The following PHACTR4 variants were observed in gnomAD, a reference collection of about 807,000 sequenced individuals.
The protein encoded by PHACTR4 is protein phosphatase 1, regulatory subunit 124.
In PHACTR4, 51 loss-of-function variants were observed where a neutral mutation model predicts 72.7. The observed-to-expected ratio is 0.70, with a 90% confidence interval of 0.56 to 0.89. The LOEUF is 0.89. Ranked by LOEUF, PHACTR4 falls within the 40% of genes least tolerant of loss-of-function variation. PHACTR4 has a pLI of 0.00. For synonymous variants in PHACTR4, 255 were observed against 302.5 expected (o/e 0.84, Z 1.63); for missense variants, 731 against 861.8 (o/e 0.85, Z 1.90).
At chr1:28,370,228 G>T in intron 1 of PHACTR4, among the ~76,000 whole-genome samples, 1 of 152,210 alleles carries the variant, frequency 6.6e-6, no homozygotes, top group Non-Finnish European at 1.5e-5. Flanking sequence ...TCGGGTCAAA[G>T]TACATTTTTC....
At chr1:28,469,884 C>T (rs1324093197) in intron 6 of PHACTR4, among the ~76,000 whole-genome samples, 1 of 151,290 alleles carries the variant, frequency 6.6e-6, no homozygotes, top group Non-Finnish European at 1.5e-5. Context: ...GGTGAAACCC[C>T]ATCTCTACTA....
At chr1:28,378,021 C>T (rs1651823499) in intron 1 of PHACTR4, among the ~76,000 whole-genome samples, 1 of 149,026 alleles carries the variant, frequency 6.7e-6, no homozygotes, top group Admixed American at 6.8e-5. Context: ...CACGGTGAAA[C>T]CCCGTCTCTA....
chr1:28,378,450 C>G (rs1453023965), intron 1 of PHACTR4, among the ~76,000 whole-genome samples: 1 of 151,538 alleles, frequency 6.6e-6, no homozygotes, highest in African/African-American at 2.4e-5. Flanking sequence ...TTGCAATGAG[C>G]CAAGATCATG....
intron 1 of PHACTR4, among the ~76,000 whole-genome samples, chr1:28,394,270 AAGAG>A (rs974053824): frequency 4.0e-5 from 6 of 151,468 alleles, no homozygotes; most frequent in Admixed American, 6.6e-5. Context: ...AAAAAAAAGA[AAGAG>A]GGACGGAGGG....
intron 9 of PHACTR4, among the ~76,000 whole-genome samples, chr1:28,486,593 A>G (rs892073597): frequency 6.6e-6 from 1 of 150,474 alleles, no homozygotes; most frequent in Non-Finnish European, 1.5e-5. Context: ...CAGGCCAGGC[A>G]TGGTGGCTCA....
intron 2 of PHACTR4, among the ~76,000 whole-genome samples, chr1:28,409,987 A>G (rs1228806988): frequency 8.8e-5 from 4 of 45,520 alleles, no homozygotes; most frequent in Admixed American, 6.9e-4. Flanking sequence ...TTTTTTTTTG[A>G]GACAGAGTCT....
At chr1:28,472,869 G>A (rs1190476313) in intron 6 of PHACTR4, among the ~76,000 whole-genome samples, 3 of 136,454 alleles carry the variant, frequency 2.2e-5, no homozygotes, top group Non-Finnish European at 3.1e-5. Flanking sequence ...TGCCCACCTC[G>A]GCCTCCCAAA....
rs140722984 is a variant in PHACTR4 at position 28,385,251 on chromosome 1, A to T, written c.-39+15426A>T. The stretch of plus-strand genomic sequence containing the variant: ...TGCCTTAATTTCATTATTTACTCAA[A>T]AGTCATTCAGGGCCAGTAACAGTGG... On this transcript the variant is annotated intron_variant, in intron 1 of 13. Coordinates refer to ENST00000373839, the MANE Select transcript of PHACTR4 (RefSeq NM_001048183.3). Among the ~76,000 whole-genome samples the T allele has an allele frequency of 3.1e-3, 465 of 152,212 alleles. 2 individuals carry two copies. The highest frequency in any genetic ancestry group is 0.01 in the African/African-American group (427 of 41,534).
chr1:28,421,059 A>G (rs527606110), intron 2 of PHACTR4, among the ~76,000 whole-genome samples: 2 of 152,256 alleles, frequency 1.3e-5, no homozygotes, highest in South Asian at 4.1e-4. Context: ...CTGTTGAACA[A>G]TTTGTCAGTT....
chr1:28,496,355 C>T (rs964713232), intron 13 of PHACTR4, among the ~76,000 whole-genome samples, 179 bp from the exon 14 acceptor site: 3 of 151,814 alleles, frequency 2.0e-5, no homozygotes, highest in South Asian at 2.1e-4. Context: ...TGCGCCCAGC[C>T]GAGAAGAGTT....
chr1:28,440,394 C>CTTTTTTTTTTTTTTTTTT (rs1223295576), intron 2 of PHACTR4, among the ~76,000 whole-genome samples: 1 of 83,236 alleles, frequency 1.2e-5, no homozygotes, highest in Non-Finnish European at 2.2e-5. Flanking sequence ...TTCATCAATT[C>CTTTTTTTTTTTTTTTTTT]TTTTTTTTTT....
At chr1:28,413,725 T>A (rs1005187914) in intron 2 of PHACTR4, among the ~76,000 whole-genome samples, 2 of 152,184 alleles carry the variant, frequency 1.3e-5, no homozygotes, top group African/African-American at 4.8e-5. Context: ...AGTCTCTTTT[T>A]TTCCTAACAT....
At chr1:28,493,877 AAAC>A (rs1437401853) in intron 13 of PHACTR4, among the ~76,000 whole-genome samples, 1 of 152,310 alleles carries the variant, frequency 6.6e-6, no homozygotes, top group Middle Eastern at 3.4e-3. Context: ...CTTAATGTAT[AAAC>A]AACATTTTAA....
At chr1:28,489,659 TTTC>T (rs1484825931) in intron 10 of PHACTR4, 11 of 404,044 alleles carry the variant, frequency 2.7e-5, no homozygotes, top group African/African-American at 2.1e-4. Context: ...CCCTTAAGAC[TTTC>T]TTACCTCTGT....
chr1:28,384,509 C>A (rs754858399), intron 1 of PHACTR4, among the ~76,000 whole-genome samples: 6 of 151,956 alleles, frequency 3.9e-5, no homozygotes, highest in Non-Finnish European at 4.4e-5. Flanking sequence ...GTGGTAATAG[C>A]CCCTTTTCAT....
chr1:28,386,014 G>A (rs1334769057), intron 1 of PHACTR4, among the ~76,000 whole-genome samples: 1 of 152,210 alleles, frequency 6.6e-6, no homozygotes, highest in Non-Finnish European at 1.5e-5. Flanking sequence ...TTGCTGAGAA[G>A]TGTTTTACTT....
intron 2 of PHACTR4, among the ~76,000 whole-genome samples, chr1:28,440,307 G>GA (rs1206889147): frequency 0.049 from 4,016 of 82,316 alleles, 138 homozygotes; most frequent in East Asian, 0.072. Flanking sequence ...GTCTCAAAAA[G>GA]AAAAAAAAAA....
At chr1:28,425,909 A>G (rs1655808094) in intron 2 of PHACTR4, among the ~76,000 whole-genome samples, 1 of 152,112 alleles carries the variant, frequency 6.6e-6, no homozygotes, top group African/African-American at 2.4e-5. Flanking sequence ...CATCAGTGAT[A>G]CCTCTTGGTT....
chr1:28,461,476 G>A (rs1407985996), intron 4 of PHACTR4, among the ~76,000 whole-genome samples: 1 of 152,090 alleles, frequency 6.6e-6, no homozygotes, highest in African/African-American at 2.4e-5. Flanking sequence ...TTGAAGAATA[G>A]GGGAAAGGAA....
Sources: gnomAD v4.1 joint callset for allele counts (sites outside exome capture counted in the v4.1 genomes callset) on GRCh38, gnomAD v4.1.1 for gene constraint, MANE v1.5 for transcripts, NCBI Gene and HGNC (gene_info 2026-07-23, HGNC 2026-07-21) for gene names.